RYR2: variants seen among roughly 807,000 people sequenced by gnomAD.
The protein encoded by RYR2 is cardiac muscle ryanodine receptor-calcium release channel.
Under a neutral mutation model 601.1 loss-of-function variants are expected in RYR2, and 227 were observed. The ratio of observed to expected loss-of-function variants is 0.38; its 90% CI spans 0.34 to 0.42. The LOEUF is 0.42. RYR2 is among the 10% of genes least tolerant of loss of function. The probability of loss-of-function intolerance (pLI) is 1.00; values close to 1 mark genes in which losing one functional copy is unlikely to be tolerated. For missense variants in RYR2, 4,646 were observed against 6,156.5 expected (o/e 0.75, Z 8.21); for synonymous variants, 2,223 against 2,175.1 (o/e 1.02, Z -0.61).
rs533362936 is a variant in RYR2, at chr1:237,647,920, G to T, written c.7343-524G>T. Among the ~76,000 whole-genome samples, 7 of 152,258 alleles carry T rather than the reference G, an allele frequency of 4.6e-5. No individual in the cohort carries two copies. In the East Asian group the frequency reaches 1.4e-3, roughly 29 times the overall value. ...AAAGCAATATGACCCTTAAATGCACGTTAAATGCTATTATGATTAATGAAA... is the reference window on the plus strand; with the variant it reads ...AAAGCAATATGACCCTTAAATGCACTTTAAATGCTATTATGATTAATGAAA... On this transcript the variant is annotated intron_variant, in intron 48 of 104. Transcript: ENST00000366574.
At chr1:237,365,869 T>C (rs1429563604) in intron 5 of RYR2, among the ~76,000 whole-genome samples, 1 of 152,212 alleles carries the variant, frequency 6.6e-6, no homozygotes, top group Admixed American at 6.5e-5. Flanking sequence ...AGAAAGATGA[T>C]GTAGAATTAG....
At chr1:237,651,867 C>T (rs566066914) in intron 51 of RYR2, among the ~76,000 whole-genome samples, 5 of 152,210 alleles carry the variant, frequency 3.3e-5, no homozygotes, top group Middle Eastern at 3.4e-3. Flanking sequence ...GAAACCCCGT[C>T]TCTATAAAAA....
intron 1 of RYR2, among the ~76,000 whole-genome samples, chr1:237,248,785 G>A (rs898249812): frequency 1.4e-5 from 2 of 145,286 alleles, no homozygotes; most frequent in African/African-American, 5.1e-5. Context: ...TTTTGAGATG[G>A]AGTTTTGCTC....
At chr1:237,062,866 G>A (rs1280304806) in intron 1 of RYR2, among the ~76,000 whole-genome samples, 1 of 151,944 alleles carries the variant, frequency 6.6e-6, no homozygotes, top group African/African-American at 2.4e-5. Flanking sequence ...TTTTGTTTTT[G>A]TTGTGTTTGG....
intron 24 of RYR2, among the ~76,000 whole-genome samples, chr1:237,524,740 A>T (rs1048218527): frequency 5.3e-5 from 8 of 151,920 alleles, no homozygotes; most frequent in Non-Finnish European, 1.0e-4. Context: ...ACATATATGT[A>T]TATACAGATA....
At position 237,454,463 on chromosome 1, in the gene RYR2, T is replaced by C; in HGVS notation, c.1365T>C (p.Ser455=). The change falls in exon 15 of 105, where the codon AGT becomes AGC. Residue 455 remains serine, a synonymous_variant. Coordinates refer to ENST00000366574, the MANE Select transcript of RYR2 (RefSeq NM_001035.3). The stretch of plus-strand genomic sequence containing the variant: ...TGCCTATAGAGTCCGTAAGCCTAAG[T>C]CTGCAGGATCTCATTGGCTACTTCC... ...VDLPIESVSL[S]LQDLIGYFHP... 6.2e-7 allele frequency: 1 copy of C among 1,613,594 alleles called. No homozygotes were observed. The highest frequency in any genetic ancestry group is 2.2e-5 in the East Asian group (1 of 44,844).
chr1:237,687,366 C>A, intron 62 of RYR2, 89 bp from the exon 63 acceptor site: 1 of 257,686 alleles, frequency 3.9e-6, no homozygotes, highest in South Asian at 4.1e-5. Flanking sequence ...TTTTCTTCTT[C>A]TTTTTTTTTT....
intron 1 of RYR2, chr1:237,267,758 C>T (rs901291188): frequency 3.2e-5 from 5 of 156,740 alleles, no homozygotes; most frequent in African/African-American, 1.2e-4. Flanking sequence ...TAGAGAAGCA[C>T]TTTAACATAC....
chr1:237,768,827 G>C (rs554338995), intron 84 of RYR2, among the ~76,000 whole-genome samples: 2 of 152,272 alleles, frequency 1.3e-5, no homozygotes, highest in East Asian at 1.9e-4. Context: ...GGTATCACCT[G>C]ATGGTAAACG....
rs1032596330 is a variant in RYR2, at chr1:237,708,829, G to A, written c.9902-29G>A. The A allele has an allele frequency of 6.3e-6, 10 of 1,586,050 alleles. No homozygotes were observed. The Admixed American group carries it at 8.6e-5, about 14-fold the overall frequency. On this transcript the variant is annotated intron_variant, in intron 68 of 104. Coordinates refer to ENST00000366574, the MANE Select transcript of RYR2 (RefSeq NM_001035.3). ...TCATGTTAATGAATGGTTTTACAGAGCAGAATACTAATGTCTGTCTTTAAA... is the reference window on the plus strand; with the variant it reads ...TCATGTTAATGAATGGTTTTACAGAACAGAATACTAATGTCTGTCTTTAAA...
intron 3 of RYR2, among the ~76,000 whole-genome samples, chr1:237,337,664 G>A (rs964761687): frequency 6.6e-6 from 1 of 152,102 alleles, no homozygotes; most frequent in African/African-American, 2.4e-5. Flanking sequence ...GAAGCACTAT[G>A]AGTATGCTGT....
At chr1:237,373,989 T>C (rs141989716) in intron 6 of RYR2, among the ~76,000 whole-genome samples, 267 of 152,332 alleles carry the variant, frequency 1.8e-3, no homozygotes, top group African/African-American at 6.1e-3. Flanking sequence ...TACAAATACA[T>C]CCCCAGTTAC....
chr1:237,795,874 A>ATG (rs1659121984), intron 96 of RYR2, among the ~76,000 whole-genome samples: 1 of 111,666 alleles, frequency 9.0e-6, no homozygotes, highest in Non-Finnish European at 2.0e-5. Flanking sequence ...ATATATATAT[A>ATG]CACATATATA....
In RYR2 at chr1:237,759,872, T is replaced by C. The variant is rs1693272747; in HGVS notation, c.11402+20T>C. 1.3e-6 allele frequency: 2 copies of C among 1,527,246 alleles called. No homozygotes were observed. The highest frequency in any genetic ancestry group is 9.0e-7 in the Non-Finnish European group (1 of 1,108,190). The allele number at this position is 1,527,246 out of a possible 1,614,324, so 94.6% of individuals were successfully genotyped here. On this transcript the variant is annotated intron_variant, in intron 83 of 104. Transcript: ENST00000366574. The stretch of plus-strand genomic sequence containing the variant: ...ATGTAGGTAAGGACTCACTTCCTTC[T>C]TGGGGGTTCTACTCAGTGGTTGTAT...
intron 1 of RYR2, among the ~76,000 whole-genome samples, chr1:237,048,844 T>C (rs1660907834): frequency 6.6e-6 from 1 of 152,122 alleles, no homozygotes; most frequent in Non-Finnish European, 1.5e-5. Context: ...AAGGAGAAGA[T>C]CGGGACAAGA....
At chr1:237,730,408 C>T in intron 77 of RYR2, 52 bp downstream of exon 77, 1 of 982,220 alleles carries the variant, frequency 1.0e-6, no homozygotes, top group Non-Finnish European at 1.6e-6. Context: ...CTTGGTGCAG[C>T]AATGTTGGCG....
chr1:237,816,614 A>G (rs914106449), intron 100 of RYR2, among the ~76,000 whole-genome samples: 1 of 151,908 alleles, frequency 6.6e-6, no homozygotes, highest in Admixed American at 6.6e-5. Context: ...GCTTGAACCC[A>G]GGAGGCGGAG....
intron 3 of RYR2, among the ~76,000 whole-genome samples, chr1:237,334,820 A>G (rs1697093523): frequency 6.6e-6 from 1 of 152,148 alleles, no homozygotes; most frequent in African/African-American, 2.4e-5. Flanking sequence ...TATTTTGCGT[A>G]TGGATGATAT....
chr1:237,426,135 A>G (rs1165982467), intron 12 of RYR2, among the ~76,000 whole-genome samples: 1 of 152,140 alleles, frequency 6.6e-6, no homozygotes, highest in African/African-American at 2.4e-5. Context: ...CTGAAAAGAC[A>G]GTATCCTGAA....
Sources: gnomAD v4.1 joint callset for allele counts (sites outside exome capture counted in the v4.1 genomes callset) on GRCh38, gnomAD v4.1.1 for gene constraint, MANE v1.5 for transcripts, NCBI Gene and HGNC (gene_info 2026-07-23, HGNC 2026-07-21) for gene names.